RELN: variants seen among roughly 807,000 people sequenced by gnomAD.
RELN encodes the protein reelin.
A neutral mutation model predicts 427.6 loss-of-function variants in RELN; 108 were observed. That is an observed-to-expected ratio of 0.25 (90% CI 0.22 to 0.30). The LOEUF is 0.30. RELN is among the 10% of genes least tolerant of loss of function. The probability of loss-of-function intolerance (pLI) is 1.00; values close to 1 mark genes in which losing one functional copy is unlikely to be tolerated. For missense variants in RELN, 3,715 were observed against 4,302.8 expected (o/e 0.86, Z 3.82); for synonymous variants, 1,524 against 1,513.4 (o/e 1.01, Z -0.16).
intron 1 of RELN, among the ~76,000 whole-genome samples, chr7:103,957,896 A>C (rs1157452220): frequency 6.6e-6 from 1 of 152,208 alleles, no homozygotes; most frequent in African/African-American, 2.4e-5. Flanking sequence ...TAATAGTCTG[A>C]AGGATAATAA....
intron 41 of RELN, among the ~76,000 whole-genome samples, chr7:103,548,751 A>C (rs1428520069): frequency 1.3e-5 from 2 of 152,208 alleles, no homozygotes; most frequent in African/African-American, 2.4e-5. Context: ...TCTCTTGTTC[A>C]GATTTCCAAA....
At position 103,875,026 on chromosome 7, in the gene RELN, C is replaced by A. The variant is rs982985722; in HGVS notation, c.338-41354G>T. Among the ~76,000 whole-genome samples the A allele has an allele frequency of 6.2e-5, 9 of 145,446 alleles. 1 individual carries two copies. Among genetic ancestry groups the A allele is most frequent in the Admixed American group, 3.4e-4 (5 of 14,526 alleles). On this transcript the variant is annotated intron_variant, in intron 2 of 64. Transcript: ENST00000428762. ...AAAACAGAGATACAGATCAATGGAA[C>A]AGAATAGAGCCCTCAGAAATAACGC...
intron 2 of RELN, among the ~76,000 whole-genome samples, chr7:103,896,670 G>T (rs527620500): frequency 1.1e-4 from 17 of 152,002 alleles, no homozygotes; most frequent in African/African-American, 3.9e-4. Flanking sequence ...AAGGGCTGGG[G>T]TTACACAGGC....
intron 1 of RELN, among the ~76,000 whole-genome samples, chr7:103,983,520 T>G (rs984918412): frequency 6.6e-6 from 1 of 152,246 alleles, no homozygotes; most frequent in African/African-American, 2.4e-5. Context: ...ATATTCATAT[T>G]TGAAAATTCA....
chr7:103,948,111 G>A (rs995514752), intron 1 of RELN, among the ~76,000 whole-genome samples: 2 of 152,152 alleles, frequency 1.3e-5, no homozygotes, highest in African/African-American at 4.8e-5. Context: ...GTATATTGAT[G>A]TTTAACACTG....
rs139009286 is a variant in RELN at position 103,797,560 on chromosome 7, T to A, written c.474-20933A>T. 4.5e-3 allele frequency among the ~76,000 whole-genome samples: 687 copies of A among 152,318 alleles called. 11 individuals are homozygous for A. The highest frequency in any genetic ancestry group is 0.016 in the African/African-American group (655 of 41,576). Reference sequence around the variant, plus strand: ...TCCTTAAGAAATTAACATTCCGATTTTACTAGTTTTTTTATTTTTCTGATA... The same window carrying A: ...TCCTTAAGAAATTAACATTCCGATTATACTAGTTTTTTTATTTTTCTGATA... On this transcript the variant is annotated intron_variant, in intron 3 of 64. Transcript: ENST00000428762.
rs71154374 is a variant in RELN, at chr7:103,826,320, A to ATGTGTGTGTGTGTGTGTGTG, written c.473+7197_473+7216dup. ...CAGAAGCACAAAACAGACTAAGACA[A>ATGTGTGTGTGTGTGTGTGTG]TGTGTGTGTGTGTGTGTGTGTGTGT... On this transcript the variant is annotated intron_variant, in intron 3 of 64. Transcript: ENST00000428762. Among the ~76,000 whole-genome samples, 522 of 122,020 alleles carry ATGTGTGTGTGTGTGTGTGTG rather than the reference A, an allele frequency of 4.3e-3. 2 individuals are homozygous for ATGTGTGTGTGTGTGTGTGTG. The highest frequency in any genetic ancestry group is 6.4e-3 in the Non-Finnish European group (334 of 52,564). 80.0% of individuals were successfully genotyped at this position (122,020 alleles called of 152,430 possible).
At chr7:103,738,422 G>C (rs1295800453) in intron 6 of RELN, among the ~76,000 whole-genome samples, 3 of 150,998 alleles carry the variant, frequency 2.0e-5, no homozygotes, top group African/African-American at 7.3e-5. Flanking sequence ...AATTTTTACT[G>C]AGGGAAATTT....
intron 6 of RELN, among the ~76,000 whole-genome samples, chr7:103,737,816 T>C (rs796302202): frequency 3.9e-5 from 6 of 152,352 alleles, no homozygotes; most frequent in African/African-American, 1.4e-4. Context: ...TAGTCTTTTC[T>C]TGATTCTAGC....
chr7:103,657,973 T>G (rs1225221420), intron 12 of RELN, among the ~76,000 whole-genome samples: 1 of 152,130 alleles, frequency 6.6e-6, no homozygotes, highest in East Asian at 1.9e-4. Flanking sequence ...GCTGCCCTAA[T>G]TGCAGTAAAA....
intron 3 of RELN, among the ~76,000 whole-genome samples, chr7:103,830,317 C>A (rs1793245508): frequency 6.6e-6 from 1 of 151,710 alleles, no homozygotes; most frequent in Non-Finnish European, 1.5e-5. Flanking sequence ...TAAAAGAAAA[C>A]AAGCATGTGG....
At chr7:103,882,424 C>T (rs1273690877) in intron 2 of RELN, among the ~76,000 whole-genome samples, 1 of 152,126 alleles carries the variant, frequency 6.6e-6, no homozygotes, top group Non-Finnish European at 1.5e-5. Context: ...ATCAATATAT[C>T]CAGGCTTTAG....
rs1198336906 is a variant in RELN at position 103,697,889 on chromosome 7, T to G, written c.1107A>C (p.Thr369=). Reference sequence around the variant, plus strand: ...CTCCTGGGAAGAAAAGCCAGTTGCCTGTGTCCACTGGGTCGAGACTATCTT... The same window carrying G: ...CTCCTGGGAAGAAAAGCCAGTTGCCGGTGTCCACTGGGTCGAGACTATCTT... ...VLEDSLDPVD[T]GNWLFFPGAT... Residue 369 remains threonine, a synonymous_variant, in exon 10 of 65, where the codon ACA becomes ACC. Coordinates refer to ENST00000428762, the MANE Select transcript of RELN (RefSeq NM_005045.4). 1 of 1,613,624 alleles carries G rather than the reference T, an allele frequency of 6.2e-7. No homozygotes were observed. The highest frequency in any genetic ancestry group is 8.5e-7 in the Non-Finnish European group (1 of 1,179,798).
In RELN at chr7:103,700,920, C is replaced by T. The variant is rs563525929; in HGVS notation, c.892G>A (p.Glu298Lys). 1.3e-6 allele frequency: 2 copies of T among 1,598,984 alleles called. No individual in the cohort carries two copies. Among genetic ancestry groups the T allele is most frequent in the African/African-American group, 2.7e-5 (2 of 74,712 alleles). ...TAAATTACAACAAACCTAATTTTCTCTAGCTGAATCCAGTCCGCAGAGTTA... is the reference window on the plus strand; with the variant it reads ...TAAATTACAACAAACCTAATTTTCTTTAGCTGAATCCAGTCCGCAGAGTTA... ...KNNSADWIQL[E>K]KIRAPSNVST... Residue 298 changes from glutamate (E) to lysine (K), a missense_variant, in exon 9 of 65, where the codon GAG (glutamate) becomes AAG (lysine). Physicochemically the swap from Glu to Lys is moderately conservative, Grantham distance 56. Around this residue, in one of 4 missense-constraint regions of RELN, gnomAD observed 2,208 missense variants for 2,361.7 expected, o/e 0.93. Transcript: ENST00000428762.
chr7:103,501,052 A>AT, intron 52 of RELN, 130 bp from the exon 53 acceptor site: 1 of 830,874 alleles, frequency 1.2e-6, no homozygotes, highest in Non-Finnish European at 2.0e-6. Flanking sequence ...AAATAGGTTA[A>AT]TAAAAAATGT....
Position 103,527,861 on chromosome 7 carries a change from G to A in RELN, c.7350-4330C>T, listed in dbSNP as rs548244774. 7.2e-5 allele frequency among the ~76,000 whole-genome samples: 11 copies of A among 152,284 alleles called. No homozygotes were observed. In the South Asian group the frequency reaches 2.3e-3, roughly 32 times the overall value. On this transcript the variant is annotated intron_variant, in intron 46 of 64. Coordinates refer to ENST00000428762, the MANE Select transcript of RELN (RefSeq NM_005045.4). ...CATCAGCCTTTAGGGAAATGTCAAT[G>A]AGAACCACAATGAGATACAACCTCA... is the stretch of plus-strand genomic sequence containing the variant.
intron 3 of RELN, among the ~76,000 whole-genome samples, chr7:103,830,755 C>T (rs1051060237): frequency 4.6e-5 from 7 of 152,044 alleles, no homozygotes; most frequent in African/African-American, 1.7e-4. Flanking sequence ...TGTACTCTCT[C>T]ACAAACTGAG....
At chr7:103,943,848 C>A (rs371298542) in intron 1 of RELN, among the ~76,000 whole-genome samples, 254 of 76,316 alleles carry the variant, frequency 3.3e-3, no homozygotes, top group East Asian at 8.7e-3. Context: ...ATTCTGTCTC[C>A]AAAAAAAAAA....
intron 10 of RELN, among the ~76,000 whole-genome samples, chr7:103,695,003 A>G (rs1562960128): frequency 6.6e-6 from 1 of 152,124 alleles, no homozygotes; most frequent in Non-Finnish European, 1.5e-5. Context: ...AACAAAAAAT[A>G]CAACTCCAAA....
Sources: gnomAD v4.1 joint callset for allele counts (sites outside exome capture counted in the v4.1 genomes callset) on GRCh38, gnomAD v4.1.1 for gene constraint, gnomAD v4.1.1 regional missense constraint, MANE v1.5 for transcripts, NCBI Gene and HGNC (gene_info 2026-07-23, HGNC 2026-07-21) for gene names.